Variants in POLE observed in about 807,000 individuals in gnomAD.
POLE encodes DNA polymerase epsilon, catalytic subunit, also known as DNA polymerase epsilon catalytic subunit A.
A neutral mutation model predicts 279.2 loss-of-function variants in POLE; 188 were observed. The ratio of observed to expected loss-of-function variants is 0.67; its 90% confidence interval spans 0.60 to 0.76. POLE has a LOEUF of 0.76. POLE is among the 30% of genes least tolerant of loss of function. The probability of loss-of-function intolerance (pLI) is 0.00; values close to 1 mark genes in which losing one functional copy is unlikely to be tolerated. For synonymous variants in POLE, 1,214 were observed against 1,172.5 expected (o/e 1.04, Z -0.72); for missense variants, 2,703 against 3,016.7 (o/e 0.90, Z 2.44).
chr12:132,673,649 TG>T lies in POLE; in HGVS notation c.1284del (p.Lys429ArgfsTer4), dbSNP rs1057517613. On this transcript the variant is annotated frameshift_variant, in exon 13 of 49. Coordinates refer to ENST00000320574, the MANE Select transcript of POLE (RefSeq NM_006231.4). LOFTEE classifies it high-confidence loss of function. The part of the protein sequence containing the change: ...PVGSHNLKAA[A>X]KAKLGYDPVE... ...ACGGGATCATAGCCTAGCTTGGCCT[TG>T]GCGGCCGCCTTGAGATTATGACTGC... The T allele has an allele frequency of 1.2e-6, 2 of 1,614,022 alleles. No individual in the cohort carries two copies. Among genetic ancestry groups the T allele is most frequent in the Non-Finnish European group, 1.7e-6 (2 of 1,179,992 alleles).
chr12:132,672,258 T>TC lies in POLE; in HGVS notation c.1750dup (p.Glu584GlyfsTer14), dbSNP rs2042945212. 6.2e-7 allele frequency: 1 copy of TC among 1,614,052 alleles called. No individual in the cohort carries two copies. The highest frequency in any genetic ancestry group is 1.7e-5 in the Admixed American group (1 of 60,006). On this transcript the variant is annotated frameshift_variant, in exon 16 of 49. Transcript: ENST00000320574. LOFTEE classifies it high-confidence loss of function. ...TTGCTCCACAGGCACTTTCTCCTCTTCCTCAAGGGCGTGGCGCAAGGTCTT... is the reference window on the plus strand; with the variant it reads ...TTGCTCCACAGGCACTTTCTCCTCTTCCCTCAAGGGCGTGGCGCAAGGTCTT...
chr12:132,667,848 G>A (rs1593790740), intron 19 of POLE, among the ~76,000 whole-genome samples, 200 bp from the exon 20 acceptor site: 2 of 152,240 alleles, frequency 1.3e-5, no homozygotes, highest in African/African-American at 2.4e-5. Flanking sequence ...TTGGGAGGCC[G>A]AGGCAGGCGG....
Position 132,642,260 on chromosome 12 carries a change from T to C in POLE, c.5090A>G (p.Lys1697Arg), listed in dbSNP as rs879254207. 6.2e-7 allele frequency: 1 copy of C among 1,611,412 alleles called. No homozygotes were observed. Among genetic ancestry groups the C allele is most frequent in the Non-Finnish European group, 8.5e-7 (1 of 1,178,800 alleles). The change falls in exon 38 of 49, where the codon AAG becomes AGG. Residue 1697 changes from lysine to arginine, a missense_variant. By Grantham distance (26) the Lys-to-Arg change is conservative. This residue lies in a region of POLE where 1,551 missense variants were observed against 1,686.1 expected (regional missense o/e 0.92). Transcript: ENST00000320574. ...SPTARPDLGG[K>R]EADDNCLVME... The stretch of plus-strand genomic sequence containing the variant: ...GACAAGACAGTTGTCATCAGCCTCC[T>C]TTCCACCCAGGTCAGGGCGGGCTGT...
chr12:132,680,259 AAAG>A, intron 3 of POLE, 37 bp from the exon 4 acceptor site: 1 of 1,587,018 alleles, frequency 6.3e-7, no homozygotes, highest in Non-Finnish European at 8.7e-7. Flanking sequence ...GGGTGATGAG[AAAG>A]AAGAAAGCGA....
intron 2 of POLE, among the ~76,000 whole-genome samples, 188 bp from the exon 3 acceptor site, chr12:132,680,875 A>G (rs2043151835): frequency 6.6e-6 from 1 of 152,132 alleles, no homozygotes; most frequent in Non-Finnish European, 1.5e-5. Flanking sequence ...CCAAATGGGG[A>G]TCTCTCTCAA....
chr12:132,624,983 C>T lies in POLE; in HGVS notation c.6669G>A (p.Lys2223=). The change falls in exon 48 of 49, where the codon AAG becomes AAA. Residue 2223 remains lysine (K), a synonymous_variant. Transcript: ENST00000320574. Reference sequence around the variant, plus strand: ...TGCTGGTCTCCTTCACCCCGCGGCACTTCAGGCAGACCTGAAAGGGAGCAG... The same window carrying T: ...TGCTGGTCTCCTTCACCCCGCGGCATTTCAGGCAGACCTGAAAGGGAGCAG... ...AFTLQDLVCL[K]CRGVKETSMP... 1 of 1,613,818 alleles carries T rather than the reference C, an allele frequency of 6.2e-7. No individual in the cohort carries two copies. Among genetic ancestry groups the T allele is most frequent in the Non-Finnish European group, 8.5e-7 (1 of 1,179,914 alleles).
chr12:132,643,915 C>T lies in POLE; in HGVS notation c.4212G>A (p.Glu1404=), dbSNP rs2138560584. The T allele has an allele frequency of 6.2e-7, 1 of 1,614,104 alleles. No homozygotes were observed. Among genetic ancestry groups the T allele is most frequent in the Non-Finnish European group, 8.5e-7 (1 of 1,179,994 alleles). The change falls in exon 33 of 49, where the codon GAG becomes GAA. Residue 1404 remains glutamate (E), a synonymous_variant. Transcript: ENST00000320574. ...CGTTGATGTGTTCCTGGTACATGTC[C>T]TCTGGCACTGAATACTCATAGAGAT... ...VYNLYEYSVP[E]DMYQEHINEI...
At chr12:132,681,497 C>G (rs534644135) in intron 1 of POLE, among the ~76,000 whole-genome samples, 5 of 152,128 alleles carry the variant, frequency 3.3e-5, no homozygotes, top group Non-Finnish European at 7.3e-5. Context: ...GCGACAGCCA[C>G]CACGCCTGGC....
At position 132,661,168 on chromosome 12, in the gene POLE, A is replaced by G. The variant is rs1060500840; in HGVS notation, c.2865-4T>C. 3.7e-5 allele frequency: 10 copies of G among 272,178 alleles called. No individual in the cohort carries two copies. Among genetic ancestry groups the G allele is most frequent in the Non-Finnish European group, 5.4e-5 (9 of 166,758 alleles). The allele number at this position is 272,178 out of a possible 1,614,324, so 16.9% of individuals were successfully genotyped here. ...GTCTTCATTGAACACAGCATACCTG[A>G]AAAAAAAAAAAAAGGCAAGCACAGC... On this transcript the variant is annotated splice_polypyrimidine_tract_variant and splice_region_variant and intron_variant, in intron 24 of 48. Transcript: ENST00000320574. The surrounding 1 kb of genome is among the most constrained non-coding windows in gnomAD (Gnocchi z 4.1).
chr12:132,640,968 C>T, intron 39 of POLE: 1 of 456,696 alleles, frequency 2.2e-6, no homozygotes, highest in South Asian at 1.5e-5. Context: ...ATTAAAACTA[C>T]AGCTGAGTAC....
chr12:132,680,931 A>G (rs1472093838), intron 2 of POLE: 2 of 635,724 alleles, frequency 3.1e-6, no homozygotes, highest in Non-Finnish European at 5.4e-6. Context: ...TGGCTAAAAG[A>G]GATGCCCATC....
intron 39 of POLE, among the ~76,000 whole-genome samples, chr12:132,640,491 C>T (rs768370068): frequency 6.1e-4 from 93 of 152,252 alleles, no homozygotes; most frequent in Non-Finnish European, 1.2e-3. Flanking sequence ...TTTCCCGTTC[C>T]GGGGGGCCCT....
At chr12:132,652,323 T>A (rs1343558729) in intron 29 of POLE, among the ~76,000 whole-genome samples, 1 of 149,146 alleles carries the variant, frequency 6.7e-6, no homozygotes, top group Non-Finnish European at 1.5e-5. Flanking sequence ...CCTTTTTTTT[T>A]TTTTTTTTTT....
intron 35 of POLE, 105 bp downstream of exon 35, chr12:132,643,119 G>C (rs1235640696): frequency 8.9e-6 from 13 of 1,462,182 alleles, no homozygotes; most frequent in African/African-American, 1.4e-5. Flanking sequence ...CATGGGCAAA[G>C]GCCCTTGAGG....
Position 132,648,993 on chromosome 12 carries a change from A to AT in POLE, c.4084dup (p.Ile1362AsnfsTer13), listed in dbSNP as rs1329301077. ...CTGGTTCACGTAGAACACACGGGGG[A>AT]TGCTCAGCCTGATGCAGTGCAAGTC... is the stretch of plus-strand genomic sequence containing the variant. On this transcript the variant is annotated frameshift_variant, in exon 32 of 49. Transcript: ENST00000320574. LOFTEE classifies it high-confidence loss of function. 1.2e-6 allele frequency: 2 copies of AT among 1,613,934 alleles called. No individual in the cohort carries two copies. The highest frequency in any genetic ancestry group is 2.7e-5 in the African/African-American group (2 of 74,944).
At position 132,624,454 on chromosome 12, in the gene POLE, G is replaced by A. The variant is rs965873535; in HGVS notation, c.*243C>T. The A allele has an allele frequency of 7.0e-6, 4 of 573,860 alleles. No individual in the cohort carries two copies. Among genetic ancestry groups the A allele is most frequent in the African/African-American group, 3.7e-5 (2 of 53,556 alleles). The allele number at this position is 573,860 out of a possible 1,614,324, so 35.5% of individuals were successfully genotyped here. On this transcript the variant is annotated 3_prime_UTR_variant, in exon 49 of 49. Coordinates refer to ENST00000320574, the MANE Select transcript of POLE (RefSeq NM_006231.4). ...CGGCGCCCAGGGCACTCGCAGCCTC[G>A]CTCACGGCCTGCTTCTTCAGGTGCT...
chr12:132,681,500 C>G (rs1214072065), intron 1 of POLE, among the ~76,000 whole-genome samples: 1 of 152,098 alleles, frequency 6.6e-6, no homozygotes, highest in Non-Finnish European at 1.5e-5. Flanking sequence ...ACAGCCACCA[C>G]GCCTGGCTAA....
intron 37 of POLE, 49 bp downstream of exon 37, chr12:132,642,457 C>A: frequency 6.2e-7 from 1 of 1,600,506 alleles, no homozygotes; most frequent in South Asian, 1.1e-5. Flanking sequence ...ACCACCGAGG[C>A]CGGCTCTGCC....
At chr12:132,674,598 C>T (rs917520081) in intron 12 of POLE, among the ~76,000 whole-genome samples, 51 of 152,162 alleles carry the variant, frequency 3.4e-4, no homozygotes, top group African/African-American at 1.2e-3. Flanking sequence ...CCCTGGGCCT[C>T]CCCCTGCCCC....
Sources: gnomAD v4.1 joint callset for allele counts (sites outside exome capture counted in the v4.1 genomes callset) on GRCh38, gnomAD v4.1.1 for gene constraint, gnomAD v4.1.1 regional missense constraint, Gnocchi (gnomAD v3.1) non-coding constraint, MANE v1.5 for transcripts, NCBI Gene and HGNC (gene_info 2026-07-23, HGNC 2026-07-21) for gene names.